NKAIN2: variants seen among roughly 807,000 people sequenced by gnomAD.
The protein encoded by NKAIN2 is sodium/potassium transporting ATPase interacting 2, also known as sodium/potassium-transporting ATPase subunit beta-1-interacting protein 2.
NKAIN2 carries 14 observed loss-of-function variants against 32.6 expected under a neutral mutation model. That is an observed-to-expected ratio of 0.43 (90% CI 0.28 to 0.67). The LOEUF is 0.67. NKAIN2 is among the 30% of genes least tolerant of loss of function. NKAIN2 has a pLI of 0.17. For synonymous variants in NKAIN2, 80 were observed against 87.2 expected, an observed-to-expected ratio of 0.92 and a Z score of 0.46; for missense variants, 198 against 258.3, an observed-to-expected ratio of 0.77 and a Z score of 1.60.
intron 3 of NKAIN2, among the ~76,000 whole-genome samples, chr6:124,597,344 T>C (rs765646116): frequency 1.3e-4 from 19 of 151,924 alleles, no homozygotes; most frequent in Non-Finnish European, 1.9e-4. Flanking sequence ...ATGCAATATT[T>C]GGGACACACT....
At chr6:124,331,972 T>C (rs1404639962) in intron 2 of NKAIN2, among the ~76,000 whole-genome samples, 3 of 152,126 alleles carry the variant, frequency 2.0e-5, no homozygotes, top group Admixed American at 6.5e-5. Flanking sequence ...TTGAATCATA[T>C]GTTTAAGCTG....
intron 1 of NKAIN2, among the ~76,000 whole-genome samples, chr6:123,920,853 C>T (rs765825584): frequency 2.0e-5 from 3 of 152,142 alleles, no homozygotes; most frequent in Non-Finnish European, 4.4e-5. Context: ...AAAAAGTGTG[C>T]TAGTATCATT....
chr6:124,467,329 A>C (rs1776800459), intron 3 of NKAIN2, among the ~76,000 whole-genome samples: 1 of 152,170 alleles, frequency 6.6e-6, no homozygotes, highest in Admixed American at 6.6e-5. Flanking sequence ...TGATGCATGT[A>C]AGACTGAAGA....
At chr6:124,234,985 C>G (rs1046756893) in intron 1 of NKAIN2, among the ~76,000 whole-genome samples, 21 of 152,088 alleles carry the variant, frequency 1.4e-4, no homozygotes, top group African/African-American at 4.8e-4. Context: ...ATGCTGGCTA[C>G]CATTCAGATG....
intron 3 of NKAIN2, among the ~76,000 whole-genome samples, chr6:124,362,628 C>T (rs927817907): frequency 6.6e-6 from 1 of 152,006 alleles, no homozygotes; most frequent in Non-Finnish European, 1.5e-5. Context: ...CAGTCTTGAC[C>T]TTGTTGCTAA....
At chr6:124,408,703 C>A (rs1050879626) in intron 3 of NKAIN2, among the ~76,000 whole-genome samples, 1 of 147,710 alleles carries the variant, frequency 6.8e-6, no homozygotes, top group Non-Finnish European at 1.5e-5. Context: ...TCCATATGAA[C>A]TTTAAAGTAG....
At chr6:124,330,715 C>T (rs11154212) in intron 2 of NKAIN2, among the ~76,000 whole-genome samples, 21,372 of 152,160 alleles carry the variant, frequency 0.14, 1,903 homozygotes, top group Admixed American at 0.22. Flanking sequence ...TCCCCAACCC[C>T]GGGGCTATGG....
At chr6:124,080,569 C>T (rs540583623) in intron 1 of NKAIN2, among the ~76,000 whole-genome samples, 3 of 151,396 alleles carry the variant, frequency 2.0e-5, no homozygotes, top group African/African-American at 7.3e-5. Flanking sequence ...TGTAATAATC[C>T]CTTGAGTTTA....
rs1798956978 is a variant in NKAIN2 at position 124,356,095 on chromosome 6, A to G, written c.273+748A>G. ...ACTTCCTCGTATTTAAAACTTTAAA[A>G]CATAAAAATTGTAAAATGTTCTTTT... On this transcript the variant is annotated intron_variant, in intron 3 of 6. Transcript: ENST00000368417. Among the ~76,000 whole-genome samples, 6 of 152,222 alleles carry G rather than the reference A, an allele frequency of 3.9e-5. No individual in the cohort carries two copies. The South Asian group carries it at 1.2e-3, about 32-fold the overall frequency.
chr6:124,362,620 G>C (rs1799335490), intron 3 of NKAIN2, among the ~76,000 whole-genome samples: 1 of 152,014 alleles, frequency 6.6e-6, no homozygotes, highest in South Asian at 2.1e-4. Context: ...TATGTCTTCA[G>C]TCTTGACCTT....
At chr6:123,877,083 TAAC>T (rs1773203356) in intron 1 of NKAIN2, among the ~76,000 whole-genome samples, 1 of 152,188 alleles carries the variant, frequency 6.6e-6, no homozygotes, top group African/African-American at 2.4e-5. Context: ...AAAATTATAA[TAAC>T]AATTAGAAAT....
chr6:123,901,238 T>C (rs1297467470), intron 1 of NKAIN2, among the ~76,000 whole-genome samples: 4 of 152,192 alleles, frequency 2.6e-5, no homozygotes, highest in Non-Finnish European at 5.9e-5. Context: ...ATTTTCATAC[T>C]AAGTTTTTTA....
chr6:123,862,111 A>G (rs1468693151), intron 1 of NKAIN2, among the ~76,000 whole-genome samples: 1 of 152,220 alleles, frequency 6.6e-6, no homozygotes, highest in Non-Finnish European at 1.5e-5. Context: ...ACTACAGTTC[A>G]AATTGACCAT....
At chr6:124,359,063 G>C (rs550717879) in intron 3 of NKAIN2, among the ~76,000 whole-genome samples, 5 of 152,156 alleles carry the variant, frequency 3.3e-5, no homozygotes, top group Non-Finnish European at 7.4e-5. Context: ...TCTCAGGTTT[G>C]TCAAAGATCA....
intron 3 of NKAIN2, among the ~76,000 whole-genome samples, chr6:124,419,546 A>G (rs1386357673): frequency 1.3e-5 from 2 of 152,190 alleles, no homozygotes; most frequent in Non-Finnish European, 2.9e-5. Flanking sequence ...TCACACCAGA[A>G]AAATGCATAT....
intron 2 of NKAIN2, among the ~76,000 whole-genome samples, chr6:124,319,900 A>T (rs1383157514): frequency 6.6e-6 from 1 of 152,150 alleles, no homozygotes; most frequent in East Asian, 1.9e-4. Context: ...AATTAGTATC[A>T]TCCAGATCAT....
intron 3 of NKAIN2, among the ~76,000 whole-genome samples, chr6:124,532,166 G>A (rs1015372083): frequency 1.3e-5 from 2 of 152,118 alleles, no homozygotes; most frequent in Admixed American, 6.5e-5. Context: ...GTGGAAGAAG[G>A]TGCAGGGAGT....
chr6:123,937,501 C>T (rs1776571810), intron 1 of NKAIN2, among the ~76,000 whole-genome samples: 1 of 152,080 alleles, frequency 6.6e-6, no homozygotes, highest in Non-Finnish European at 1.5e-5. Flanking sequence ...ATAATAAAAA[C>T]ATTGAGAGTG....
intron 3 of NKAIN2, among the ~76,000 whole-genome samples, chr6:124,509,260 T>C (rs1347790268): frequency 6.6e-6 from 1 of 152,142 alleles, no homozygotes; most frequent in Non-Finnish European, 1.5e-5. Context: ...CAAGAGACTA[T>C]GCCATTATCA....
Sources: allele counts gnomAD v4.1 joint callset (sites outside exome capture counted in the v4.1 genomes callset), GRCh38; gene constraint gnomAD v4.1.1; transcripts MANE v1.5; gene names NCBI Gene and HGNC (gene_info 2026-07-23, HGNC 2026-07-21).